MYO16: variants seen among roughly 807,000 people sequenced by gnomAD.
The protein encoded by MYO16 is unconventional myosin-XVI.
Under a neutral mutation model 205.3 loss-of-function variants are expected in MYO16, and 94 were observed. The ratio of observed to expected loss-of-function variants is 0.46; its 90% CI spans 0.39 to 0.54. MYO16 has a LOEUF of 0.54. Among genes scored for constraint, MYO16 ranks in the 20% least tolerant of loss-of-function variants. MYO16 has a pLI of 0.00. For missense variants in MYO16, 2,315 were observed against 2,387.5 expected, an observed-to-expected ratio of 0.97 and a Z score of 0.63; for synonymous variants, 988 against 954.0, an observed-to-expected ratio of 1.04 and a Z score of -0.66.
chr13:109,087,121 A>G (rs1566499393), intron 27 of MYO16, among the ~76,000 whole-genome samples: 1 of 152,220 alleles, frequency 6.6e-6, no homozygotes, highest in Non-Finnish European at 1.5e-5. Flanking sequence ...CACTTTCCGA[A>G]GGAGGTGTGC....
chr13:108,944,954 C>T (rs554913492), intron 16 of MYO16, among the ~76,000 whole-genome samples: 2 of 152,152 alleles, frequency 1.3e-5, no homozygotes, highest in South Asian at 2.1e-4. Flanking sequence ...TTCCTAAGTG[C>T]GTGAGAAAGA....
chr13:109,206,690 G>A lies in MYO16; in HGVS notation c.5497G>A (p.Glu1833Lys). 1 of 1,614,206 alleles carries A rather than the reference G, an allele frequency of 6.2e-7. No individual in the cohort carries two copies. Among genetic ancestry groups the A allele is most frequent in the Non-Finnish European group, 8.5e-7 (1 of 1,180,032 alleles). Residue 1833 changes from glutamate to lysine, a missense_variant, in exon 35 of 35, where the codon GAA becomes AAA. Coordinates refer to ENST00000457511, the MANE Select transcript of MYO16 (RefSeq NM_001198950.3). Reference sequence around the variant, plus strand: ...GGACTGGAGGAGAAAGCTCTGTGAGGAAGGACAAGACTGGCAGCAGATCCT... The same window carrying A: ...GGACTGGAGGAGAAAGCTCTGTGAGAAAGGACAAGACTGGCAGCAGATCCT... ...LLDWRRKLCE[E>K]GQDWQQILHH...
the MYO16 span, among the ~76,000 whole-genome samples, chr13:108,547,867 A>T: frequency 6.6e-6 from 1 of 152,168 alleles, no homozygotes; most frequent in Non-Finnish European, 1.5e-5. Context: ...TCTAATATGG[A>T]TCATTCTTTT....
chr13:108,751,042 AAT>A (rs58712940), intron 4 of MYO16, among the ~76,000 whole-genome samples: 70,089 of 146,716 alleles, frequency 0.48, 16,336 homozygotes, highest in East Asian at 0.56. Flanking sequence ...TATGTGTATA[AAT>A]ATATATATAT....
intron 20 of MYO16, among the ~76,000 whole-genome samples, chr13:108,980,762 A>T (rs1163363042): frequency 6.6e-6 from 1 of 152,190 alleles, no homozygotes; most frequent in Admixed American, 6.5e-5. Context: ...TTATGTGTGG[A>T]GGTGTGAGAA....
At chr13:109,157,798 G>A (rs981776187) in intron 32 of MYO16, among the ~76,000 whole-genome samples, 1 of 152,138 alleles carries the variant, frequency 6.6e-6, no homozygotes, top group African/African-American at 2.4e-5. Context: ...AGCAGGATGC[G>A]AGTCCCACAG....
intron 4 of MYO16, among the ~76,000 whole-genome samples, chr13:108,769,112 A>G (rs1031235384): frequency 2.6e-5 from 4 of 152,246 alleles, no homozygotes; most frequent in African/African-American, 9.6e-5. Context: ...ACTATCAGTT[A>G]GTAAACATAT....
At chr13:108,946,292 A>G (rs572156322) in intron 16 of MYO16, among the ~76,000 whole-genome samples, 10 of 152,254 alleles carry the variant, frequency 6.6e-5, no homozygotes, top group African/African-American at 1.7e-4. Context: ...TTTGGCAAAA[A>G]AAAAAGGGGG....
intron 11 of MYO16, among the ~76,000 whole-genome samples, chr13:108,856,095 GAATTTATTT>G (rs1878157231): frequency 6.6e-6 from 1 of 152,208 alleles, no homozygotes; most frequent in South Asian, 2.1e-4. Context: ...ACAGCATGGA[GAATTTATTT>G]ACTGCGGTTC....
chr13:108,918,928 G>C lies in MYO16; in HGVS notation c.1925+8778G>C, dbSNP rs1303798754. Among the ~76,000 whole-genome samples, 3 of 147,746 alleles carry C rather than the reference G, an allele frequency of 2.0e-5. No homozygotes were observed. The Admixed American group carries it at 2.0e-4, about 10-fold the overall frequency. On this transcript the variant is annotated intron_variant, in intron 16 of 34. Coordinates refer to ENST00000457511, the MANE Select transcript of MYO16 (RefSeq NM_001198950.3). ...CTGCACTCCAGCCTGGGCAACAAGA[G>C]CGAGACTCTGTCTCAGAAAACAGAA...
intron 27 of MYO16, among the ~76,000 whole-genome samples, chr13:109,077,978 A>G (rs1036107437): frequency 5.3e-5 from 8 of 151,770 alleles, no homozygotes; most frequent in Admixed American, 5.2e-4. Context: ...TTTTTTCTCT[A>G]TGTTCATTTG....
chr13:108,556,294 G>GC, the MYO16 span, among the ~76,000 whole-genome samples: 6,675 of 151,256 alleles, frequency 0.044, 437 homozygotes, highest in African/African-American at 0.15. Context: ...CCACATCCTT[G>GC]CAACACTTTG....
rs117643903 is a variant in MYO16 at position 108,745,200 on chromosome 13, C to T, written c.507+17617C>T. 8.1e-3 allele frequency among the ~76,000 whole-genome samples: 1,229 copies of T among 152,212 alleles called. 13 individuals are homozygous for T. Among genetic ancestry groups the T allele is most frequent in the Non-Finnish European group, 0.011 (781 of 68,004 alleles). ...CTGAGGGGATGAAGATGGTCTGGAG[C>T]GGAAGCACAGGAGCCCTATACTGGT... On this transcript the variant is annotated intron_variant, in intron 4 of 34. Transcript: ENST00000457511.
chr13:109,111,167 A>G (rs1180273399), intron 28 of MYO16, among the ~76,000 whole-genome samples: 2 of 152,210 alleles, frequency 1.3e-5, no homozygotes, highest in Non-Finnish European at 2.9e-5. Context: ...GCACACATGT[A>G]GAAATGTTGG....
At chr13:108,835,866 G>A (rs528700473) in intron 9 of MYO16, among the ~76,000 whole-genome samples, 32 of 152,124 alleles carry the variant, frequency 2.1e-4, no homozygotes, top group Admixed American at 5.9e-4. Flanking sequence ...GCAGCAAAGC[G>A]TTCAAAAGGA....
intron 4 of MYO16, among the ~76,000 whole-genome samples, chr13:108,776,374 G>A (rs891441724): frequency 6.6e-6 from 1 of 152,186 alleles, no homozygotes; most frequent in African/African-American, 2.4e-5. Context: ...GAAGATTCCA[G>A]AGGCCCACTG....
At chr13:108,845,798 C>T (rs1423035862) in intron 10 of MYO16, among the ~76,000 whole-genome samples, 1 of 152,086 alleles carries the variant, frequency 6.6e-6, no homozygotes, top group Admixed American at 6.6e-5. Flanking sequence ...CTCATTGCAG[C>T]CTCAACCTCA....
chr13:109,020,420 C>A (rs913144160), intron 23 of MYO16, among the ~76,000 whole-genome samples: 1 of 152,138 alleles, frequency 6.6e-6, no homozygotes, highest in East Asian at 1.9e-4. Context: ...TAAAAATGAT[C>A]ATTCTCCTTA....
chr13:108,534,619 T>G, the MYO16 span, among the ~76,000 whole-genome samples: 2 of 151,544 alleles, frequency 1.3e-5, no homozygotes, highest in African/African-American at 4.8e-5. Context: ...ACTCTGCTTC[T>G]ACATTAAAAA....
Sources: allele counts gnomAD v4.1 joint callset (sites outside exome capture counted in the v4.1 genomes callset), GRCh38; gene constraint gnomAD v4.1.1; transcripts MANE v1.5; gene names NCBI Gene and HGNC (gene_info 2026-07-23, HGNC 2026-07-21).